The following DAB1 variants were observed in gnomAD, a reference collection of about 807,000 sequenced individuals.
DAB1 encodes the protein disabled homolog 1.
In DAB1, 15 loss-of-function variants were observed where a neutral mutation model predicts 64.6. The ratio of observed to expected loss-of-function variants is 0.23; its 90% CI spans 0.16 to 0.36. The LOEUF (loss-of-function observed/expected upper bound fraction) is 0.36, where lower values mean the gene tolerates loss of function less well. DAB1 is among the 10% of genes least tolerant of loss of function. DAB1 has a pLI of 1.00. For synonymous variants in DAB1, 235 were observed against 251.9 expected, an observed-to-expected ratio of 0.93 and a Z score of 0.64; for missense variants, 596 against 706.7, an observed-to-expected ratio of 0.84 and a Z score of 1.78.
chr1:57,716,539 G>A (rs541695375), intron 6 of DAB1, among the ~76,000 whole-genome samples: 5 of 152,252 alleles, frequency 3.3e-5, no homozygotes, highest in African/African-American at 9.6e-5. Flanking sequence ...TCCACATGCA[G>A]AAGAAAGAAA....
chr1:58,203,118 T>A (rs532833974), intron 4 of DAB1, among the ~76,000 whole-genome samples: 7 of 152,232 alleles, frequency 4.6e-5, no homozygotes, highest in African/African-American at 1.7e-4. Context: ...GAAAAAGGGG[T>A]AAGGGGAAGA....
At chr1:57,647,706 C>T (rs1646210143) in intron 7 of DAB1, among the ~76,000 whole-genome samples, 1 of 152,164 alleles carries the variant, frequency 6.6e-6, no homozygotes, top group Admixed American at 6.5e-5. Context: ...ATGTTATTTC[C>T]ATCCTTCAAA....
chr1:57,689,588 G>A (rs979392633), intron 6 of DAB1, among the ~76,000 whole-genome samples: 2 of 152,130 alleles, frequency 1.3e-5, no homozygotes, highest in African/African-American at 4.8e-5. Context: ...TCGTTACCTA[G>A]TAAGAACAAG....
intron 3 of DAB1, among the ~76,000 whole-genome samples, chr1:57,142,615 CACACACACACACACAT>C (rs927927878): frequency 2.0e-5 from 3 of 150,028 alleles, no homozygotes; most frequent in Non-Finnish European, 3.0e-5. Context: ...CACACACACA[CACACACACACACACAT>C]ACACACACAC....
intron 9 of DAB1, among the ~76,000 whole-genome samples, chr1:57,051,505 G>A (rs1368681921): frequency 2.0e-5 from 3 of 152,146 alleles, no homozygotes; most frequent in African/African-American, 4.8e-5. Context: ...TCACATTAAT[G>A]GATTGAAGCT....
intron 4 of DAB1, among the ~76,000 whole-genome samples, chr1:58,325,725 A>G (rs72669806): frequency 0.035 from 5,334 of 152,336 alleles, 121 homozygotes; most frequent in Middle Eastern, 0.054. Flanking sequence ...AGCACATGAA[A>G]AATACTCTAT....
intron 5 of DAB1, among the ~76,000 whole-genome samples, chr1:58,016,551 T>C (rs1220677384): frequency 1.3e-5 from 2 of 152,162 alleles, no homozygotes; most frequent in Non-Finnish European, 2.9e-5. Context: ...AAACTCAACA[T>C]GTTCAAAACT....
intron 6 of DAB1, among the ~76,000 whole-genome samples, chr1:57,791,318 C>T (rs1650588098): frequency 6.6e-6 from 1 of 152,162 alleles, no homozygotes. Flanking sequence ...TACTATGATC[C>T]TTTTACACAC....
intron 7 of DAB1, among the ~76,000 whole-genome samples, chr1:57,572,923 C>T (rs1558506262): frequency 6.6e-6 from 1 of 152,114 alleles, no homozygotes; most frequent in African/African-American, 2.4e-5. Context: ...CTTTCAAGGA[C>T]TCACTATCTT....
chr1:57,177,735 C>A (rs1662479388), intron 2 of DAB1, among the ~76,000 whole-genome samples: 1 of 152,134 alleles, frequency 6.6e-6, no homozygotes, highest in Non-Finnish European at 1.5e-5. Flanking sequence ...TGGTTTTTCA[C>A]CTTCTTTTCC....
chr1:57,584,736 C>T (rs1295344762), intron 7 of DAB1, among the ~76,000 whole-genome samples: 1 of 152,180 alleles, frequency 6.6e-6, no homozygotes, highest in East Asian at 1.9e-4. Context: ...AGTTACTCTT[C>T]CAAGCAATGC....
chr1:57,610,400 T>C lies in DAB1; in HGVS notation n.625+39192A>G, dbSNP rs192756407. Among the ~76,000 whole-genome samples, 770 of 152,270 alleles carry C rather than the reference T, an allele frequency of 5.1e-3. 4 individuals are homozygous for C. Among genetic ancestry groups the C allele is most frequent in the Admixed American group, 8.7e-3 (133 of 15,290 alleles). ...CCCATGAGAAAGGCATGATTGTCAGTCTTGATGTACAGATAAGGAAATAAG... is the reference window on the plus strand; with the variant it reads ...CCCATGAGAAAGGCATGATTGTCAGCCTTGATGTACAGATAAGGAAATAAG... On this transcript the variant is annotated intron_variant and non_coding_transcript_variant, in intron 7 of 20. Transcript: ENST00000485760.
intron 5 of DAB1, among the ~76,000 whole-genome samples, chr1:57,962,700 A>T (rs1461822891): frequency 2.0e-5 from 3 of 148,170 alleles, no homozygotes; most frequent in Non-Finnish European, 3.0e-5. Flanking sequence ...AATCTCTACA[A>T]TTTTTTTTTT....
At chr1:58,499,704 G>A (rs1645871308) in intron 3 of DAB1, among the ~76,000 whole-genome samples, 1 of 151,890 alleles carries the variant, frequency 6.6e-6, no homozygotes, top group Non-Finnish European at 1.5e-5. Flanking sequence ...TAGTTGGTTT[G>A]ATTTAACCAT....
chr1:58,226,107 T>C (rs903859737), intron 4 of DAB1, among the ~76,000 whole-genome samples: 1 of 152,182 alleles, frequency 6.6e-6, no homozygotes, highest in African/African-American at 2.4e-5. Flanking sequence ...CCTCTGGCTC[T>C]GCCAGCAACT....
intron 5 of DAB1, among the ~76,000 whole-genome samples, chr1:58,063,154 T>C (rs576791920): frequency 6.6e-6 from 1 of 152,180 alleles, no homozygotes; most frequent in East Asian, 1.9e-4. Flanking sequence ...AAAGGCTTGT[T>C]TTAGGGATAG....
chr1:57,956,106 AG>A (rs1645387214), intron 5 of DAB1, among the ~76,000 whole-genome samples: 2 of 152,340 alleles, frequency 1.3e-5, no homozygotes, highest in East Asian at 3.9e-4. Flanking sequence ...GCAATATGTC[AG>A]ATCTGATTAC....
intron 2 of DAB1, among the ~76,000 whole-genome samples, chr1:57,174,650 G>T (rs532778527): frequency 6.6e-6 from 1 of 152,136 alleles, no homozygotes; most frequent in Non-Finnish European, 1.5e-5. Context: ...AGCTCTGTAG[G>T]TGAAGTACAG....
intron 3 of DAB1, among the ~76,000 whole-genome samples, chr1:58,380,572 G>T (rs148577283): frequency 1.3e-5 from 2 of 152,180 alleles, no homozygotes; most frequent in South Asian, 4.1e-4. Flanking sequence ...GATGTAGTAG[G>T]TTATTCTGTC....
Sources: allele counts gnomAD v4.1 joint callset (sites outside exome capture counted in the v4.1 genomes callset), GRCh38; gene constraint gnomAD v4.1.1; transcripts MANE v1.5; gene names NCBI Gene and HGNC (gene_info 2026-07-23, HGNC 2026-07-21).